Variants in GRM7 observed in about 807,000 individuals in gnomAD.
The protein encoded by GRM7 is glutamate metabotropic receptor 7.
Under a neutral mutation model 84.5 loss-of-function variants are expected in GRM7, and 35 were observed. That is an observed-to-expected ratio of 0.41 (90% CI 0.32 to 0.55). The LOEUF (loss-of-function observed/expected upper bound fraction) is 0.55. GRM7 is among the 20% of genes least tolerant of loss of function. The pLI is 0.19. For synonymous variants in GRM7, 487 were observed against 455.1 expected (o/e 1.07, Z -0.89); for missense variants, 1,003 against 1,194.6 (o/e 0.84, Z 2.36).
intron 4 of GRM7, among the ~76,000 whole-genome samples, chr3:7,404,357 C>A (rs779869396): frequency 3.3e-5 from 5 of 152,136 alleles, no homozygotes; most frequent in Non-Finnish European, 7.3e-5. Flanking sequence ...CTGGTAGATT[C>A]TTGGTGATTG....
intron 4 of GRM7, among the ~76,000 whole-genome samples, chr3:7,332,587 T>C (rs1701250164): frequency 6.6e-6 from 1 of 152,136 alleles, no homozygotes; most frequent in African/African-American, 2.4e-5. Context: ...TAAAGACATG[T>C]TTCTCTAAGG....
chr3:6,872,612 A>AT (rs1347799555), intron 1 of GRM7, among the ~76,000 whole-genome samples: 9 of 151,698 alleles, frequency 5.9e-5, no homozygotes, highest in African/African-American at 2.2e-4. Flanking sequence ...TCCCTCCCTT[A>AT]GCCCCCCCAA....
At chr3:7,157,009 C>T (rs1236275001) in intron 2 of GRM7, among the ~76,000 whole-genome samples, 1 of 151,442 alleles carries the variant, frequency 6.6e-6, no homozygotes, top group African/African-American at 2.4e-5. Flanking sequence ...GCAAAAAATA[C>T]TGAGGAAGAT....
chr3:6,972,691 T>C (rs1002745730), intron 1 of GRM7, among the ~76,000 whole-genome samples: 1 of 152,158 alleles, frequency 6.6e-6, no homozygotes. Flanking sequence ...GCCAGGCCAA[T>C]GGAGAGCTCT....
intron 2 of GRM7, among the ~76,000 whole-genome samples, chr3:7,193,006 T>C (rs763417464): frequency 6.6e-6 from 1 of 152,096 alleles, no homozygotes; most frequent in Non-Finnish European, 1.5e-5. Flanking sequence ...TCTCCACGGG[T>C]TTATCTTTGG....
intron 1 of GRM7, among the ~76,000 whole-genome samples, chr3:6,985,049 T>A (rs1287260878): frequency 1.3e-5 from 2 of 152,160 alleles, no homozygotes; most frequent in African/African-American, 4.8e-5. Context: ...TTTCCGCCAT[T>A]TATCACATTT....
chr3:7,651,509 A>G (rs1698936750), intron 8 of GRM7, among the ~76,000 whole-genome samples: 1 of 152,196 alleles, frequency 6.6e-6, no homozygotes, highest in Admixed American at 6.5e-5. Flanking sequence ...CTCTTGCTCT[A>G]TAATTGAGGA....
intron 7 of GRM7, among the ~76,000 whole-genome samples, chr3:7,471,865 C>T (rs573739839): frequency 2.6e-5 from 4 of 152,264 alleles, no homozygotes; most frequent in African/African-American, 9.6e-5. Context: ...ATATTAAATT[C>T]CCATTATTCT....
chr3:7,475,864 T>C (rs1056802473), intron 7 of GRM7, among the ~76,000 whole-genome samples: 6 of 152,234 alleles, frequency 3.9e-5, no homozygotes, highest in African/African-American at 1.4e-4. Flanking sequence ...CTCTGCTCTA[T>C]ATTTAAATTT....
chr3:7,120,838 A>G (rs970825402), intron 1 of GRM7, among the ~76,000 whole-genome samples: 3 of 152,174 alleles, frequency 2.0e-5, no homozygotes, highest in Non-Finnish European at 4.4e-5. Flanking sequence ...TCTGGAGAAT[A>G]GTTTTTATTT....
intron 6 of GRM7, among the ~76,000 whole-genome samples, chr3:7,457,336 G>GTAATTTAGTTTTTATCA (rs1698060265): frequency 6.6e-6 from 1 of 152,108 alleles, no homozygotes; most frequent in African/African-American, 2.4e-5. Context: ...AAAGAAATGG[G>GTAATTTAGTTTTTATCA]TAATTTAGTT....
intron 2 of GRM7, among the ~76,000 whole-genome samples, chr3:7,294,611 T>C (rs1399295269): frequency 6.6e-6 from 1 of 151,858 alleles, no homozygotes; most frequent in Non-Finnish European, 1.5e-5. Flanking sequence ...TTGAACAAAT[T>C]CTACTTCTAC....
intron 4 of GRM7, among the ~76,000 whole-genome samples, chr3:7,372,701 CT>C (rs972834323): frequency 6.6e-6 from 1 of 152,136 alleles, no homozygotes; most frequent in Non-Finnish European, 1.5e-5. Context: ...TACTTGTCAT[CT>C]TTGTCAAGGA....
At chr3:7,489,374 G>T (rs918703197) in intron 7 of GRM7, among the ~76,000 whole-genome samples, 3 of 152,020 alleles carry the variant, frequency 2.0e-5, no homozygotes, top group Non-Finnish European at 4.4e-5. Flanking sequence ...GTATCCTTGG[G>T]ATACACATTG....
At chr3:6,993,088 G>A (rs1694704291) in intron 1 of GRM7, among the ~76,000 whole-genome samples, 1 of 152,220 alleles carries the variant, frequency 6.6e-6, no homozygotes, top group Admixed American at 6.5e-5. Flanking sequence ...AGAAGCGAAA[G>A]CAAACATGTC....
chr3:7,126,047 C>G (rs1693388274), intron 1 of GRM7, among the ~76,000 whole-genome samples: 1 of 152,122 alleles, frequency 6.6e-6, no homozygotes, highest in African/African-American at 2.4e-5. Flanking sequence ...AAATCAGAAT[C>G]TTTTTTACTT....
At chr3:7,000,300 T>G (rs1215502032) in intron 1 of GRM7, among the ~76,000 whole-genome samples, 2 of 151,750 alleles carry the variant, frequency 1.3e-5, no homozygotes, top group Non-Finnish European at 2.9e-5. Context: ...GCCTCCTGAG[T>G]AGCTGAGATT....
At chr3:7,222,167 AATC>A (rs1447780159) in intron 2 of GRM7, among the ~76,000 whole-genome samples, 2 of 152,090 alleles carry the variant, frequency 1.3e-5, no homozygotes, top group African/African-American at 4.8e-5. Flanking sequence ...TATATTTGTG[AATC>A]ATCATCAACA....
chr3:7,266,893 A>G (rs1303564441), intron 2 of GRM7, among the ~76,000 whole-genome samples: 1 of 152,192 alleles, frequency 6.6e-6, no homozygotes, highest in Non-Finnish European at 1.5e-5. Context: ...TGTAACTTTA[A>G]CTTATTTCAC....
Sources: allele counts gnomAD v4.1 joint callset (sites outside exome capture counted in the v4.1 genomes callset), GRCh38; gene constraint gnomAD v4.1.1; transcripts MANE v1.5; gene names NCBI Gene and HGNC (gene_info 2026-07-23, HGNC 2026-07-21).